The following ANKH variants were observed in gnomAD, a reference collection of about 807,000 sequenced individuals.
ANKH encodes ANKH inorganic pyrophosphate transport regulator.
In ANKH, 15 loss-of-function variants were observed where a neutral mutation model predicts 49.0. The ratio of observed to expected loss-of-function variants is 0.31; its 90% confidence interval spans 0.20 to 0.47. ANKH has a LOEUF of 0.47. ANKH is among the 20% of genes least tolerant of loss of function. The pLI is 1.00. For missense variants in ANKH, 429 were observed against 652.0 expected, an observed-to-expected ratio of 0.66 and a Z score of 3.72; for synonymous variants, 273 against 260.0, an observed-to-expected ratio of 1.05 and a Z score of -0.48.
intron 1 of ANKH, among the ~76,000 whole-genome samples, chr5:14,835,956 G>A: frequency 6.6e-6 from 1 of 152,180 alleles, no homozygotes. Flanking sequence ...TGCAAGGCTG[G>A]TTCAACATAT....
intron 5 of ANKH, among the ~76,000 whole-genome samples, chr5:14,750,370 T>C (rs1738671458): frequency 6.6e-6 from 1 of 152,210 alleles, no homozygotes; most frequent in African/African-American, 2.4e-5. Flanking sequence ...TGTTTCTTAT[T>C]CAACTTTCAG....
chr5:14,814,204 T>C (rs1172194539), intron 1 of ANKH, among the ~76,000 whole-genome samples: 1 of 152,250 alleles, frequency 6.6e-6, no homozygotes, highest in Non-Finnish European at 1.5e-5. Flanking sequence ...GCTTTGTCGT[T>C]AGTTATTTAT....
At position 14,745,388 on chromosome 5, in the gene ANKH, C is replaced by A. The variant is rs1295551163; in HGVS notation, c.915+482G>T. On this transcript the variant is annotated intron_variant, in intron 7 of 11. Coordinates refer to ENST00000284268, the MANE Select transcript of ANKH (RefSeq NM_054027.6). The surrounding 1 kb of genome is among the most constrained non-coding windows in gnomAD (Gnocchi z 4.7). ...TGTCAACAGGCTTTCCACTGGAATA[C>A]GTCTGCAATATCAAAACACTGGACC... Among the ~76,000 whole-genome samples, 1 of 152,130 alleles carries A rather than the reference C, an allele frequency of 6.6e-6. No homozygotes were observed. The highest frequency in any genetic ancestry group is 1.5e-5 in the Non-Finnish European group (1 of 68,016).
chr5:14,728,162 C>A (rs535583822), intron 8 of ANKH, among the ~76,000 whole-genome samples: 3 of 152,266 alleles, frequency 2.0e-5, no homozygotes, highest in African/African-American at 7.2e-5. Context: ...ACTCACTATG[C>A]GCCAACAGCG....
At chr5:14,869,298 C>A (rs1735749592) in intron 1 of ANKH, 4 of 152,170 alleles carry the variant, frequency 2.6e-5, no homozygotes, top group Admixed American at 6.5e-5. Context: ...TCTCACCCTG[C>A]AGCATTTTGC....
intron 1 of ANKH, among the ~76,000 whole-genome samples, chr5:14,829,143 C>T (rs1014037454): frequency 1.4e-5 from 2 of 144,194 alleles, no homozygotes; most frequent in African/African-American, 5.4e-5. Context: ...CAAGACTGCG[C>T]CTTTGCACTC....
At chr5:14,801,715 G>A (rs1377025607) in intron 1 of ANKH, among the ~76,000 whole-genome samples, 3 of 152,192 alleles carry the variant, frequency 2.0e-5, no homozygotes, top group African/African-American at 7.2e-5. Context: ...AGCGGGGTGT[G>A]GGTAAGTGGA....
rs1737005166 is a variant in ANKH at position 14,707,978 on chromosome 5, GGA to G, written c.*3217_*3218del. ...TGCCCCATTTAAAGAATCCCAAACG[GGA>G]GAGTTTCCTGCCAATGTGCAAATCC... On this transcript the variant is annotated 3_prime_UTR_variant, in exon 12 of 12. Coordinates refer to ENST00000284268, the MANE Select transcript of ANKH (RefSeq NM_054027.6). 6.6e-6 allele frequency: 1 copy of G among 152,166 alleles called. No individual in the cohort carries two copies. The highest frequency in any genetic ancestry group is 1.5e-5 in the Non-Finnish European group (1 of 68,028). The allele number at this position is 152,166 out of a possible 1,614,324, so 9.4% of individuals were successfully genotyped here. A position where few individuals can be genotyped will look rare whatever the true frequency, so the allele number is the denominator to read the frequency against.
In ANKH at chr5:14,745,957, C is replaced by T; in HGVS notation, c.828G>A (p.Val276=). The T allele has an allele frequency of 1.2e-6, 2 of 1,613,990 alleles. No individual in the cohort carries two copies. The highest frequency in any genetic ancestry group is 1.7e-5 in the Admixed American group (1 of 60,032). Residue 276 remains valine, a synonymous_variant, in exon 7 of 12, where the codon GTG becomes GTA. Coordinates refer to ENST00000284268, the MANE Select transcript of ANKH (RefSeq NM_054027.6). This position sits in a 1 kb window ranked among gnomAD's most constrained non-coding sequence, Gnocchi z 4.7. ...CAGGGTATGTGGCTGTCAAAATCGCCACTGCCTGCAACAGGAAGAGGTGGC... is the reference window on the plus strand; with the variant it reads ...CAGGGTATGTGGCTGTCAAAATCGCTACTGCCTGCAACAGGAAGAGGTGGC... The part of the protein sequence containing the change: ...LGGSSAATEA[V]AILTATYPVG...
In ANKH at chr5:14,871,358, C is replaced by A; in HGVS notation, c.90G>T (p.Gly30=). 1 of 1,612,300 alleles carries A rather than the reference C, an allele frequency of 6.2e-7. No individual in the cohort carries two copies. Among genetic ancestry groups the A allele is most frequent in the Non-Finnish European group, 8.5e-7 (1 of 1,179,108 alleles). Residue 30 remains glycine, a synonymous_variant, in exon 1 of 12, where the codon GGG becomes GGT. Coordinates refer to ENST00000284268, the MANE Select transcript of ANKH (RefSeq NM_054027.6). ...GCGCGGGGCCGGGGCTTACCTGCTC[C>A]CCGAAGTCGATGGCTATGTTGGTGA... ...LGITNIAIDF[G]EQALNRGIAA... is the part of the protein sequence containing the mutation.
intron 4 of ANKH, among the ~76,000 whole-genome samples, chr5:14,755,045 G>A (rs1425949511): frequency 7.2e-6 from 1 of 138,884 alleles, no homozygotes; most frequent in African/African-American, 2.9e-5. Context: ...CATTCGACAA[G>A]AGCGAAACTC....
At chr5:14,815,890 G>A (rs182139913) in intron 1 of ANKH, among the ~76,000 whole-genome samples, 161 of 152,300 alleles carry the variant, frequency 1.1e-3, no homozygotes, top group Admixed American at 2.5e-3. Flanking sequence ...GATCGAGGGC[G>A]CTGGCTAGTA....
chr5:14,768,798 C>A (rs926892719), intron 2 of ANKH, 177 bp downstream of exon 2: 1 of 689,286 alleles, frequency 1.5e-6, no homozygotes, highest in Non-Finnish European at 2.5e-6. Flanking sequence ...CCAGAAAAAA[C>A]ACATTATTGT....
chr5:14,726,579 C>T (rs1209389686), intron 8 of ANKH, among the ~76,000 whole-genome samples: 1 of 152,068 alleles, frequency 6.6e-6, no homozygotes, highest in Non-Finnish European at 1.5e-5. Flanking sequence ...AGGCTGGAGG[C>T]GTGGCTGACC....
chr5:14,811,740 A>C (rs1314728908), intron 1 of ANKH, among the ~76,000 whole-genome samples: 1 of 152,192 alleles, frequency 6.6e-6, no homozygotes, highest in Non-Finnish European at 1.5e-5. Context: ...CTTTCTCTTA[A>C]GTTTCTGTTT....
chr5:14,758,243 T>C (rs1202511300), intron 3 of ANKH, among the ~76,000 whole-genome samples: 2 of 152,150 alleles, frequency 1.3e-5, no homozygotes, highest in East Asian at 3.8e-4. Context: ...AGTTACAAAG[T>C]AGAATGGAGG....
At chr5:14,763,112 G>T (rs1042599628) in intron 2 of ANKH, among the ~76,000 whole-genome samples, 3 of 152,178 alleles carry the variant, frequency 2.0e-5, no homozygotes, top group Non-Finnish European at 1.5e-5. Context: ...GTTCATCCAG[G>T]AGCTGTTGCA....
chr5:14,717,005 T>C (rs1393822562), intron 8 of ANKH, 170 bp from the exon 9 acceptor site: 2 of 777,302 alleles, frequency 2.6e-6, no homozygotes, highest in African/African-American at 1.7e-5. Context: ...GACTCTCTTC[T>C]GACCACAGAG....
intron 1 of ANKH, among the ~76,000 whole-genome samples, chr5:14,809,757 C>G (rs1740822864): frequency 6.6e-6 from 1 of 152,132 alleles, no homozygotes; most frequent in African/African-American, 2.4e-5. Context: ...CCAGGGACCA[C>G]TTGAATGAGA....
Sources: gnomAD v4.1 joint callset for allele counts (sites outside exome capture counted in the v4.1 genomes callset) on GRCh38, gnomAD v4.1.1 for gene constraint, Gnocchi (gnomAD v3.1) non-coding constraint, MANE v1.5 for transcripts, NCBI Gene and HGNC (gene_info 2026-07-23, HGNC 2026-07-21) for gene names.